The following TPH2 variants were observed in gnomAD, a reference collection of about 807,000 sequenced individuals.
TPH2 encodes the protein tryptophan 5-hydroxylase 2.
A neutral mutation model predicts 59.1 loss-of-function variants in TPH2; 27 were observed. The observed-to-expected ratio is 0.46, with a 90% CI of 0.34 to 0.63. TPH2 has a LOEUF of 0.63. Ranked by LOEUF, TPH2 falls within the 30% of genes least tolerant of loss-of-function variation. TPH2 has a pLI of 0.01. For synonymous variants in TPH2, 220 were observed against 210.5 expected (o/e 1.05, Z -0.39); for missense variants, 523 against 588.3 (o/e 0.89, Z 1.15).
intron 7 of TPH2, 89 bp downstream of exon 7, chr12:71,979,176 T>C: frequency 6.4e-7 from 1 of 1,551,232 alleles, no homozygotes; most frequent in Non-Finnish European, 8.9e-7. Flanking sequence ...CTGTTTTACC[T>C]CCAAACTAAT....
At chr12:71,939,592 G>T (rs1352503769) in intron 1 of TPH2, among the ~76,000 whole-genome samples, 2 of 152,144 alleles carry the variant, frequency 1.3e-5, no homozygotes, top group Non-Finnish European at 2.9e-5. Context: ...ATGGGTGCAG[G>T]TTATTGGAAT....
intron 6 of TPH2, among the ~76,000 whole-genome samples, chr12:71,973,493 G>A (rs957494832): frequency 3.3e-5 from 5 of 152,258 alleles, no homozygotes; most frequent in African/African-American, 1.2e-4. Context: ...ACCCTATATA[G>A]CCTAAAAAGG....
intron 8 of TPH2, among the ~76,000 whole-genome samples, chr12:72,019,859 G>T (rs553557433): frequency 9.9e-4 from 150 of 152,148 alleles, no homozygotes; most frequent in Non-Finnish European, 1.9e-3. Context: ...TGGATGGATC[G>T]ATGTCACAGG....
chr12:71,971,838 T>C (rs1310146905), intron 5 of TPH2, among the ~76,000 whole-genome samples: 1 of 152,228 alleles, frequency 6.6e-6, no homozygotes, highest in African/African-American at 2.4e-5. Flanking sequence ...AATTGAACAG[T>C]TGTGACAGAG....
chr12:71,956,451 C>T (rs922526136), intron 5 of TPH2, among the ~76,000 whole-genome samples: 2 of 141,436 alleles, frequency 1.4e-5, no homozygotes, highest in African/African-American at 5.3e-5. Flanking sequence ...TCCCTTCCTC[C>T]CTTTCTTCCT....
rs180746998 is a variant in TPH2 at position 72,016,232 on chromosome 12, G to T, written c.1069-6167G>T. Among the ~76,000 whole-genome samples, 32 of 152,104 alleles carry T rather than the reference G, an allele frequency of 2.1e-4. 1 individual carries two copies. The East Asian group carries it at 6.2e-3, about 29-fold the overall frequency. The stretch of plus-strand genomic sequence containing the variant: ...TATTAAATGAGGAAGCCTTCTTCTG[G>T]TTGAGTTTTCCTATTATTTTCATAT... On this transcript the variant is annotated intron_variant, in intron 8 of 10. Transcript: ENST00000333850.
Position 71,944,340 on chromosome 12 carries a change from G to A in TPH2, c.302G>A (p.Arg101Gln), listed in dbSNP as rs149529607. ...CATATTGAATCCAGGAAATCTCGGC[G>A]AAGAAGTTCTGAGGTTGAAATCTTT... ...MVHIESRKSRRRSSEVEIFVD... is the reference protein window; with the variant it reads ...MVHIESRKSRQRSSEVEIFVD... The change falls in exon 3 of 11, where the codon CGA becomes CAA. Residue 101 changes from arginine to glutamine, a missense_variant. Arg to Gln is a conservative substitution (Grantham distance 43). Transcript: ENST00000333850. 1.7e-5 allele frequency: 28 copies of A among 1,613,734 alleles called. No individual in the cohort carries two copies. The highest frequency in any genetic ancestry group is 6.7e-5 in the East Asian group (3 of 44,884).
intron 5 of TPH2, among the ~76,000 whole-genome samples, chr12:71,971,492 CAT>C (rs1871972393): frequency 6.6e-6 from 1 of 152,138 alleles, no homozygotes; most frequent in Admixed American, 6.5e-5. Context: ...TACAAAAGCA[CAT>C]GTTTGTATTC....
intron 9 of TPH2, among the ~76,000 whole-genome samples, chr12:72,025,930 C>T (rs1592417989): frequency 2.0e-5 from 3 of 152,078 alleles, no homozygotes; most frequent in South Asian, 4.1e-4. Flanking sequence ...TCAACAAACA[C>T]AAAATTGATG....
chr12:72,004,638 GT>G (rs1445971646), intron 8 of TPH2, among the ~76,000 whole-genome samples: 1 of 152,150 alleles, frequency 6.6e-6, no homozygotes, highest in Admixed American at 6.5e-5. Flanking sequence ...GGGTTTTCTG[GT>G]TTAACTACAA....
At chr12:71,955,912 T>G (rs1386142665) in intron 5 of TPH2, among the ~76,000 whole-genome samples, 1 of 152,184 alleles carries the variant, frequency 6.6e-6, no homozygotes, top group East Asian at 1.9e-4. Context: ...TTTAGCACCT[T>G]AAAACAACAA....
chr12:71,995,511 A>C (rs1383446813), intron 8 of TPH2, among the ~76,000 whole-genome samples: 2 of 152,222 alleles, frequency 1.3e-5, no homozygotes, highest in Non-Finnish European at 2.9e-5. Context: ...AGATTTCTTA[A>C]AAACACACAG....
Position 71,944,639 on chromosome 12 carries a change from T to G in TPH2, c.493T>G (p.Ser165Ala). ...PRKISELDKC[S>A]HRVLMYGSEL... ...GAAGATCTCTGAGTTAGACAAATGCTCTCACAGAGTTCTCATGTATGGTTC... is the reference window on the plus strand; with the variant it reads ...GAAGATCTCTGAGTTAGACAAATGCGCTCACAGAGTTCTCATGTATGGTTC... The change falls in exon 4 of 11, where the codon TCT (serine) becomes GCT (alanine). Residue 165 changes from serine (S) to alanine (A), a missense_variant. By Grantham distance (99) the Ser-to-Ala change is moderately conservative. Coordinates refer to ENST00000333850, the MANE Select transcript of TPH2 (RefSeq NM_173353.4). The G allele has an allele frequency of 6.2e-7, 1 of 1,613,934 alleles. No individual in the cohort carries two copies. The highest frequency in any genetic ancestry group is 8.5e-7 in the Non-Finnish European group (1 of 1,179,846).
intron 5 of TPH2, chr12:71,961,471 G>A: frequency 7.9e-7 from 1 of 1,260,610 alleles, no homozygotes; most frequent in Non-Finnish European, 1.0e-6. Flanking sequence ...GTAGTTAGCT[G>A]TGTTCTGTCT....
At position 71,972,708 on chromosome 12, in the gene TPH2, T is replaced by A. The variant is rs777387277; in HGVS notation, c.798T>A (p.Phe266Leu). 1.1e-5 allele frequency: 18 copies of A among 1,613,712 alleles called. No individual in the cohort carries two copies. Among genetic ancestry groups the A allele is most frequent in the Non-Finnish European group, 1.5e-5 (18 of 1,179,996 alleles). Residue 266 changes from phenylalanine to leucine, a missense_variant, in exon 6 of 11, where the codon TTT becomes TTA. Physicochemically the swap from Phe to Leu is conservative, Grantham distance 22. Coordinates refer to ENST00000333850, the MANE Select transcript of TPH2 (RefSeq NM_173353.4). ...NVPQLEDVSM[F>L]LKERSGFTVR... Reference sequence around the variant, plus strand: ...CTCAACTCGAAGATGTCTCCATGTTTCTGAAAGGTAAGATTTCACACAGGC... The same window carrying A: ...CTCAACTCGAAGATGTCTCCATGTTACTGAAAGGTAAGATTTCACACAGGC...
chr12:72,023,501 C>T (rs1873480612), intron 9 of TPH2, among the ~76,000 whole-genome samples: 1 of 152,038 alleles, frequency 6.6e-6, no homozygotes, highest in African/African-American at 2.4e-5. Context: ...CTATGGCAGT[C>T]ACTGGGGATA....
intron 5 of TPH2, among the ~76,000 whole-genome samples, chr12:71,956,428 C>G (rs1350594148): frequency 6.7e-6 from 1 of 148,178 alleles, no homozygotes; most frequent in Non-Finnish European, 1.5e-5. Flanking sequence ...CTCTCCCTCC[C>G]TCCCTCCCTT....
At chr12:71,969,335 A>G (rs1391561964) in intron 5 of TPH2, among the ~76,000 whole-genome samples, 1 of 152,176 alleles carries the variant, frequency 6.6e-6, no homozygotes, top group Non-Finnish European at 1.5e-5. Flanking sequence ...GAAGGCCTTG[A>G]AAAGACCAGG....
In TPH2 at chr12:72,031,332, C is replaced by T. The variant is rs748750591; in HGVS notation, c.1239C>T (p.Thr413=). Residue 413 remains threonine, a synonymous_variant, in exon 10 of 11, where the codon ACC becomes ACT. Coordinates refer to ENST00000333850, the MANE Select transcript of TPH2 (RefSeq NM_173353.4). ...CTTGCTTACAGGAATGCCTTATCAC[C>T]ACCTTCCAGGAAGCCTACTTTGTTT... ...KTTCLQECLI[T]TFQEAYFVSE... 6.2e-7 allele frequency: 1 copy of T among 1,613,736 alleles called. No homozygotes were observed. The highest frequency in any genetic ancestry group is 2.2e-5 in the East Asian group (1 of 44,874).
Sources: allele counts gnomAD v4.1 joint callset (sites outside exome capture counted in the v4.1 genomes callset), GRCh38; gene constraint gnomAD v4.1.1; transcripts MANE v1.5; gene names NCBI Gene and HGNC (gene_info 2026-07-23, HGNC 2026-07-21).